The following CASR variants were observed in gnomAD, a reference collection of about 807,000 sequenced individuals.
The protein encoded by CASR is extracellular calcium-sensing receptor.
In CASR, 23 loss-of-function variants were observed where a neutral mutation model predicts 69.1. The observed-to-expected ratio is 0.33, with a 90% CI of 0.24 to 0.47. The LOEUF is 0.47. Ranked by LOEUF, CASR falls within the 20% of genes least tolerant of loss-of-function variation. The probability of loss-of-function intolerance (pLI) is 1.00; values close to 1 mark genes in which losing one functional copy is unlikely to be tolerated. For missense variants in CASR, 924 were observed against 1,356.1 expected, an observed-to-expected ratio of 0.68 and a Z score of 5.00; for synonymous variants, 541 against 544.7, an observed-to-expected ratio of 0.99 and a Z score of 0.10.
intron 1 of CASR, among the ~76,000 whole-genome samples, chr3:122,218,966 A>G (rs1236697189): frequency 6.6e-6 from 1 of 152,228 alleles, no homozygotes; most frequent in African/African-American, 2.4e-5. Flanking sequence ...CCAGTGAAAG[A>G]GCATTCTGGG....
At chr3:122,256,948 C>A in intron 2 of CASR, 133 bp from the exon 3 acceptor site, 2 of 779,276 alleles carry the variant, frequency 2.6e-6, no homozygotes, top group Non-Finnish European at 4.4e-6. Flanking sequence ...ACAGAGAGGG[C>A]TCTGTACAGA....
At position 122,284,821 on chromosome 3, in the gene CASR, C is replaced by T; in HGVS notation, c.2867C>T (p.Ser956Phe). The change falls in exon 7 of 7, where the codon TCT becomes TTT. Residue 956 changes from serine to phenylalanine, a missense_variant. Ser to Phe is a radical substitution (Grantham distance 155). Around this residue, in one of 8 missense-constraint regions of CASR, gnomAD observed 201 missense variants for 228.8 expected, o/e 0.88. Transcript: ENST00000639785. ...QPLTLPQQQR[S>F]QQQPRCKQKV... ...CTGACCCTCCCACAGCAGCAACGATCTCAGCAGCAGCCCAGATGCAAGCAG... is the reference window on the plus strand; with the variant it reads ...CTGACCCTCCCACAGCAGCAACGATTTCAGCAGCAGCCCAGATGCAAGCAG... 1 of 1,614,160 alleles carries T rather than the reference C, an allele frequency of 6.2e-7. No individual in the cohort carries two copies. The highest frequency in any genetic ancestry group is 8.5e-7 in the Non-Finnish European group (1 of 1,180,018).
rs1559954421 is a variant in CASR, at chr3:122,252,449, A to AAAGAAAGAAAGAAAGAAAGAAAGAAAG, written c.-242-1497_-242-1496insGAAAGAAAGAAAGAAAGAAAGAAAGAA. 1.1e-3 allele frequency among the ~76,000 whole-genome samples: 59 copies of AAAGAAAGAAAGAAAGAAAGAAAGAAAG among 54,540 alleles called. 3 individuals are homozygous for AAAGAAAGAAAGAAAGAAAGAAAGAAAG. The highest frequency in any genetic ancestry group is 2.6e-3 in the African/African-American group (34 of 13,258). 35.8% of individuals were successfully genotyped at this position (54,540 alleles called of 152,430 possible). A position where few individuals can be genotyped will look rare whatever the true frequency, so the allele number is the denominator to read the frequency against. ...AGAAAGAAAGAAAGAAAGAAAGAAAAAAAAGAAAAGAAAGAAAAGAAAAGA... is the reference window on the plus strand; with the variant it reads ...AGAAAGAAAGAAAGAAAGAAAGAAAAAAGAAAGAAAGAAAGAAAGAAAGAAAGAAAAGAAAAGAAAGAAAAGAAAAGA... On this transcript the variant is annotated intron_variant, in intron 1 of 6. Transcript: ENST00000639785.
intron 1 of CASR, among the ~76,000 whole-genome samples, chr3:122,196,661 C>T (rs1021885764): frequency 2.6e-5 from 4 of 152,102 alleles, no homozygotes; most frequent in African/African-American, 9.7e-5. Flanking sequence ...ACCTCAGCCT[C>T]CCAAGTAGCT....
chr3:122,280,953 C>T (rs986855418), intron 5 of CASR, among the ~76,000 whole-genome samples: 2 of 152,198 alleles, frequency 1.3e-5, no homozygotes, highest in Admixed American at 6.5e-5. Context: ...GGACTTCATT[C>T]TTATGATACA....
intron 1 of CASR, among the ~76,000 whole-genome samples, chr3:122,231,862 C>T (rs115889478): frequency 0.02 from 3,084 of 152,136 alleles, 106 homozygotes; most frequent in African/African-American, 0.071. Context: ...TAAATACCGA[C>T]GGGCTTGAGC....
At chr3:122,262,940 T>G (rs2074645389) in intron 4 of CASR, among the ~76,000 whole-genome samples, 1 of 152,198 alleles carries the variant, frequency 6.6e-6, no homozygotes, top group African/African-American at 2.4e-5. Flanking sequence ...ACAAAAACTC[T>G]TTGTAAAAAG....
chr3:122,229,259 A>C, intron 1 of CASR, among the ~76,000 whole-genome samples: 1 of 152,106 alleles, frequency 6.6e-6, no homozygotes, highest in African/African-American at 2.4e-5. Flanking sequence ...ACCCACCCTC[A>C]AAATCAGGCC....
At chr3:122,197,312 GCTAA>G (rs954920921) in intron 1 of CASR, among the ~76,000 whole-genome samples, 2 of 152,276 alleles carry the variant, frequency 1.3e-5, no homozygotes, top group East Asian at 1.9e-4. Flanking sequence ...AGCAAAGCAA[GCTAA>G]CTAACTAAAT....
intron 1 of CASR, among the ~76,000 whole-genome samples, chr3:122,222,693 A>T (rs2074183546): frequency 6.6e-6 from 1 of 152,164 alleles, no homozygotes; most frequent in Non-Finnish European, 1.5e-5. Flanking sequence ...TTCTGGACGT[A>T]AACTCAACAC....
chr3:122,283,499 C>G (rs781678958), intron 6 of CASR, among the ~76,000 whole-genome samples, 188 bp from the exon 7 acceptor site: 2 of 152,120 alleles, frequency 1.3e-5, no homozygotes, highest in African/African-American at 2.4e-5. Context: ...ATGAAATTAA[C>G]CATGTTATTA....
intron 1 of CASR, among the ~76,000 whole-genome samples, chr3:122,213,131 C>T (rs1484769662): frequency 6.6e-6 from 1 of 152,082 alleles, no homozygotes; most frequent in Non-Finnish European, 1.5e-5. Context: ...GGCCAGATGC[C>T]CTCTTGGCCT....
At chr3:122,193,009 A>G (rs931185865) in intron 1 of CASR, among the ~76,000 whole-genome samples, 1 of 152,232 alleles carries the variant, frequency 6.6e-6, no homozygotes, top group East Asian at 1.9e-4. Flanking sequence ...TTAAAGTTAC[A>G]ACTTGAAGTT....
chr3:122,281,235 G>A (rs1203520463), intron 5 of CASR, among the ~76,000 whole-genome samples: 1 of 152,192 alleles, frequency 6.6e-6, no homozygotes, highest in Non-Finnish European at 1.5e-5. Context: ...AAGAACACTG[G>A]TAGTCTATGG....
At chr3:122,204,936 T>G (rs2073992195) in intron 1 of CASR, among the ~76,000 whole-genome samples, 1 of 152,140 alleles carries the variant, frequency 6.6e-6, no homozygotes, top group Non-Finnish European at 1.5e-5. Flanking sequence ...ATTTTTTTGC[T>G]ATTGAGTTGT....
At chr3:122,215,948 G>A (rs75750177) in intron 1 of CASR, among the ~76,000 whole-genome samples, 2,978 of 152,276 alleles carry the variant, frequency 0.02, 42 homozygotes, top group Non-Finnish European at 0.031. Context: ...GTTTCTTGAG[G>A]GCTGTGGACC....
chr3:122,290,459 C>T lies in CASR; in HGVS notation c.*5268C>T, dbSNP rs1171689986. The T allele has an allele frequency of 6.6e-6, 1 of 152,104 alleles. No homozygotes were observed. The highest frequency in any genetic ancestry group is 1.5e-5 in the Non-Finnish European group (1 of 68,006). The allele number at this position is 152,104 out of a possible 1,614,324, so 9.4% of individuals were successfully genotyped here. On this transcript the variant is annotated 3_prime_UTR_variant, in exon 7 of 7. Transcript: ENST00000639785. The stretch of plus-strand genomic sequence containing the variant: ...TAAATGTTTTGTTTCTATCTGACCT[C>T]TCATTATAAATGAGAAACTTATAAA...
At position 122,284,921 on chromosome 3, in the gene CASR, C is replaced by T; in HGVS notation, c.2967C>T (p.His989=). The part of the protein sequence containing the change: ...FDEPQKNAMA[H]RNSTHQNSLE... ...AGCCTCAGAAGAACGCCATGGCCCA[C>T]AGGAATTCTACGCACCAGAACTCCC... Residue 989 remains histidine (H), a synonymous_variant, in exon 7 of 7, where the codon CAC becomes CAT. Transcript: ENST00000639785. 2 of 1,614,188 alleles carry T rather than the reference C, an allele frequency of 1.2e-6. No homozygotes were observed. The highest frequency in any genetic ancestry group is 1.7e-6 in the Non-Finnish European group (2 of 1,180,014).
At chr3:122,233,912 A>C (rs1168021956) in intron 1 of CASR, among the ~76,000 whole-genome samples, 1 of 152,186 alleles carries the variant, frequency 6.6e-6, no homozygotes, top group Non-Finnish European at 1.5e-5. Context: ...TACTCTATTC[A>C]TGTGAGCCAG....
Sources: allele counts gnomAD v4.1 joint callset (sites outside exome capture counted in the v4.1 genomes callset), GRCh38; gene constraint gnomAD v4.1.1; regional missense constraint gnomAD v4.1.1; transcripts MANE v1.5; gene names NCBI Gene and HGNC (gene_info 2026-07-23, HGNC 2026-07-21).